TSPAN14: variants seen among roughly 807,000 people sequenced by gnomAD.
TSPAN14 encodes the protein tetraspanin-14.
In TSPAN14, 16 loss-of-function variants were observed where a neutral mutation model predicts 36.6. That is an observed-to-expected ratio of 0.44 (90% CI 0.30 to 0.66). The LOEUF is 0.66. TSPAN14 is among the 30% of genes least tolerant of loss of function. The probability of loss-of-function intolerance (pLI) is 0.12; values close to 1 mark genes in which losing one functional copy is unlikely to be tolerated. For synonymous variants in TSPAN14, 139 were observed against 143.8 expected, an observed-to-expected ratio of 0.97 and a Z score of 0.24; for missense variants, 231 against 355.1, an observed-to-expected ratio of 0.65 and a Z score of 2.81.
chr10:80,478,996 A>T (rs1209591374), intron 1 of TSPAN14, among the ~76,000 whole-genome samples: 1 of 152,120 alleles, frequency 6.6e-6, no homozygotes, highest in Non-Finnish European at 1.5e-5. Context: ...AACTGGTGTG[A>T]GATGGTATCT....
At chr10:80,516,454 A>G (rs1179658021) in intron 8 of TSPAN14, 131 bp downstream of exon 8, 2 of 1,328,762 alleles carry the variant, frequency 1.5e-6, no homozygotes, top group African/African-American at 1.5e-5. Flanking sequence ...AAGGGATTCA[A>G]CTGGATGTCC....
rs375359379 is a variant in TSPAN14 at position 80,512,206 on chromosome 10, C to T, written c.513C>T (p.Ser171=). 128 of 1,614,188 alleles carry T rather than the reference C, an allele frequency of 7.9e-5. 1 individual carries two copies. Among genetic ancestry groups the T allele is most frequent in the African/African-American group, 5.3e-4 (40 of 75,062 alleles). The stretch of plus-strand genomic sequence containing the variant: ...ACCTCAACGTCTACTTCAATTGCAG[C>T]GGTGCCAGCTACAGCCGAGAGAAGT... Residue 171 remains serine (S), a synonymous_variant, in exon 6 of 9, where the codon AGC becomes AGT. Transcript: ENST00000429989.
At chr10:80,468,111 G>A (rs1846339998) in intron 1 of TSPAN14, among the ~76,000 whole-genome samples, 2 of 152,128 alleles carry the variant, frequency 1.3e-5, no homozygotes, top group South Asian at 4.2e-4. Context: ...TTTTCCTGGT[G>A]ACCTTTCAGG....
chr10:80,501,722 C>G (rs1385003196), intron 2 of TSPAN14, among the ~76,000 whole-genome samples: 1 of 152,168 alleles, frequency 6.6e-6, no homozygotes, highest in African/African-American at 2.4e-5. Flanking sequence ...TTGACCCATG[C>G]ACCTGGGCCA....
chr10:80,491,499 A>G (rs1167361089), intron 2 of TSPAN14, among the ~76,000 whole-genome samples: 3 of 151,914 alleles, frequency 2.0e-5, no homozygotes, highest in Admixed American at 2.0e-4. Context: ...CTCAACCTCC[A>G]ACTCTCATCT....
intron 1 of TSPAN14, among the ~76,000 whole-genome samples, chr10:80,455,008 G>A (rs1485749793): frequency 6.6e-6 from 1 of 152,176 alleles, no homozygotes; most frequent in Admixed American, 6.5e-5. Flanking sequence ...TTAGTCGTGT[G>A]GGGTTGTGTT....
exon 9 of TSPAN14, chr10:80,521,947 A>C (rs899751080): frequency 6.6e-6 from 1 of 151,892 alleles, no homozygotes; most frequent in African/African-American, 2.4e-5. Context: ...TTCATTCTCA[A>C]ATGCTTTTGG....
intron 1 of TSPAN14, among the ~76,000 whole-genome samples, chr10:80,483,360 A>T (rs1211169600): frequency 2.0e-5 from 3 of 152,182 alleles, no homozygotes; most frequent in African/African-American, 7.2e-5. Context: ...TGCTCTTAAC[A>T]TTCCACTTTG....
At chr10:80,469,847 A>T (rs1846445747) in intron 1 of TSPAN14, among the ~76,000 whole-genome samples, 1 of 151,674 alleles carries the variant, frequency 6.6e-6, no homozygotes, top group African/African-American at 2.4e-5. Flanking sequence ...GTCCCACCCT[A>T]GACTCAGAAG....
At chr10:80,454,878 C>G (rs1423477466) in intron 1 of TSPAN14, among the ~76,000 whole-genome samples, 2 of 152,110 alleles carry the variant, frequency 1.3e-5, no homozygotes, top group African/African-American at 4.8e-5. Context: ...GGCGGGCCGC[C>G]CCTTCCTCCT....
chr10:80,475,293 A>G (rs1171630525), intron 1 of TSPAN14, among the ~76,000 whole-genome samples: 2 of 152,366 alleles, frequency 1.3e-5, no homozygotes, highest in Admixed American at 6.5e-5. Flanking sequence ...TGGGCTGAGC[A>G]TGATGGCTTA....
At chr10:80,461,177 G>C (rs1474809827) in intron 1 of TSPAN14, among the ~76,000 whole-genome samples, 2 of 152,100 alleles carry the variant, frequency 1.3e-5, no homozygotes, top group Non-Finnish European at 2.9e-5. Flanking sequence ...TTGAGGGCCG[G>C]CTCCCTCCAG....
At chr10:80,520,258 G>A (rs534104614) in exon 9 of TSPAN14, 8 of 232,540 alleles carry the variant, frequency 3.4e-5, no homozygotes, top group South Asian at 5.5e-5. Flanking sequence ...ATGAAGTCTC[G>A]GTGCGATTTT....
intron 4 of TSPAN14, 47 bp downstream of exon 4, chr10:80,507,421 A>T (rs770690410): frequency 6.2e-7 from 1 of 1,613,134 alleles, no homozygotes; most frequent in Non-Finnish European, 8.5e-7. Context: ...AATGGGGTAC[A>T]GGCTCTGCTG....
At position 80,520,668 on chromosome 10, in the gene TSPAN14, TA is replaced by T. The variant is rs145159817; in HGVS notation, c.*2697del. On this transcript the variant is annotated 3_prime_UTR_variant, in exon 9 of 9. Transcript: ENST00000429989. Reference sequence around the variant, plus strand: ...TATCGCTGGCCTTCCTTTCCCATCCTAAAAACTTGCCGAGGCCCTATGGCTC... The same window carrying T: ...TATCGCTGGCCTTCCTTTCCCATCCTAAAACTTGCCGAGGCCCTATGGCTC... 572 of 533,440 alleles carry T rather than the reference TA, an allele frequency of 1.1e-3. 3 individuals carry two copies. The East Asian group carries it at 0.026, about 24-fold the overall frequency. The allele number at this position is 533,440 out of a possible 1,614,324, so 33.0% of individuals were successfully genotyped here. A position where few individuals can be genotyped will look rare whatever the true frequency, so the allele number is the denominator to read the frequency against.
chr10:80,506,655 C>T (rs1840320408), intron 3 of TSPAN14, among the ~76,000 whole-genome samples: 1 of 152,200 alleles, frequency 6.6e-6, no homozygotes, highest in Non-Finnish European at 1.5e-5. Context: ...AAAATTCAGT[C>T]CTTCTGTCTC....
intron 2 of TSPAN14, among the ~76,000 whole-genome samples, chr10:80,493,776 G>A (rs1848045836): frequency 6.6e-6 from 1 of 152,176 alleles, no homozygotes; most frequent in Non-Finnish European, 1.5e-5. Flanking sequence ...TTGGTTAGTG[G>A]GTACAGAAGA....
chr10:80,517,706 C>G (rs752865760), intron 8 of TSPAN14, among the ~76,000 whole-genome samples, 199 bp from the exon 9 acceptor site: 3 of 152,184 alleles, frequency 2.0e-5, no homozygotes, highest in Non-Finnish European at 4.4e-5. Flanking sequence ...ATGTAACAGA[C>G]TAGACCCCAG....
chr10:80,472,352 G>T (rs1339862836), intron 1 of TSPAN14, among the ~76,000 whole-genome samples: 2 of 152,184 alleles, frequency 1.3e-5, no homozygotes, highest in Non-Finnish European at 2.9e-5. Flanking sequence ...GAAATGGTGA[G>T]TTCTAGGTGC....
Sources: allele counts gnomAD v4.1 joint callset (sites outside exome capture counted in the v4.1 genomes callset), GRCh38; gene constraint gnomAD v4.1.1; transcripts MANE v1.5; gene names NCBI Gene and HGNC (gene_info 2026-07-23, HGNC 2026-07-21).